Variants in AFG2A observed in about 807,000 individuals in gnomAD.
AFG2A encodes ATPase family gene 2 protein homolog A.
At chr4:123,157,630 C>T in the AFG2A span, among the ~76,000 whole-genome samples, 5 of 152,236 alleles carry the variant, frequency 3.3e-5, no homozygotes, top group Non-Finnish European at 5.9e-5. Flanking sequence ...CAAGATCAGA[C>T]GAGATTGAGC....
chr4:123,151,883 C>G, the AFG2A span, among the ~76,000 whole-genome samples: 1 of 152,052 alleles, frequency 6.6e-6, no homozygotes, highest in Non-Finnish European at 1.5e-5. Flanking sequence ...ACCCATATGC[C>G]CATCAATGAT....
the AFG2A span, among the ~76,000 whole-genome samples, chr4:122,965,747 C>A: frequency 1.9e-3 from 293 of 152,216 alleles, no homozygotes; most frequent in African/African-American, 5.7e-3. Flanking sequence ...CCTTGATGTA[C>A]ATGTGTCCAT....
At chr4:122,941,159 A>G in the AFG2A span, among the ~76,000 whole-genome samples, 1 of 151,432 alleles carries the variant, frequency 6.6e-6, no homozygotes, top group Non-Finnish European at 1.5e-5. Context: ...GTTTTTTCCA[A>G]TTCTGTGAAG....
the AFG2A span, among the ~76,000 whole-genome samples, chr4:122,932,621 A>G: frequency 1.3e-5 from 2 of 152,216 alleles, no homozygotes; most frequent in Non-Finnish European, 2.9e-5. Flanking sequence ...AAAAATGCTC[A>G]TGTTCTGAGA....
the AFG2A span, among the ~76,000 whole-genome samples, chr4:123,209,419 AT>A: frequency 2.0e-5 from 3 of 151,122 alleles, no homozygotes; most frequent in East Asian, 2.0e-4. Flanking sequence ...AGGGAAAAAA[AT>A]TTTTTTTTCA....
chr4:123,167,161 C>A, the AFG2A span, among the ~76,000 whole-genome samples: 19 of 148,586 alleles, frequency 1.3e-4, no homozygotes, highest in Non-Finnish European at 2.5e-4. Flanking sequence ...GTTTCAGGGC[C>A]TTATAGTATA....
chr4:122,989,957 G>T, the AFG2A span, among the ~76,000 whole-genome samples: 2 of 152,076 alleles, frequency 1.3e-5, no homozygotes, highest in African/African-American at 4.8e-5. Context: ...CCTGAGTTTA[G>T]TTGATCCTCC....
chr4:123,070,947 C>A, the AFG2A span, among the ~76,000 whole-genome samples: 1 of 152,042 alleles, frequency 6.6e-6, no homozygotes, highest in Non-Finnish European at 1.5e-5. Context: ...TTTTATTTTA[C>A]TATTTCTAGA....
the AFG2A span, among the ~76,000 whole-genome samples, chr4:123,275,769 GT>G: frequency 5.0e-4 from 76 of 152,180 alleles, no homozygotes; most frequent in African/African-American, 1.8e-3. Context: ...TGCTGCATTA[GT>G]TTGCTTAGGA....
chr4:123,256,128 A>C, the AFG2A span: 3 of 1,614,134 alleles, frequency 1.9e-6, no homozygotes, highest in Non-Finnish European at 2.5e-6. Flanking sequence ...GTCAGTAATG[A>C]AGTTGACCTG....
chr4:123,199,691 C>T, the AFG2A span, among the ~76,000 whole-genome samples: 1 of 151,926 alleles, frequency 6.6e-6, no homozygotes, highest in African/African-American at 2.4e-5. Context: ...AGGCTGGTCT[C>T]CAGCTCCTGA....
chr4:122,934,654 A>G, the AFG2A span: 1 of 1,612,526 alleles, frequency 6.2e-7, no homozygotes, highest in South Asian at 1.1e-5. Flanking sequence ...TTATGACATG[A>G]TAGGAGGATT....
At chr4:123,100,163 C>CTT in the AFG2A span, among the ~76,000 whole-genome samples, 1 of 151,824 alleles carries the variant, frequency 6.6e-6, no homozygotes, top group Non-Finnish European at 1.5e-5. Context: ...CCCATCATTT[C>CTT]TTCATCCTTT....
At chr4:123,148,148 T>C in the AFG2A span, among the ~76,000 whole-genome samples, 1 of 152,192 alleles carries the variant, frequency 6.6e-6, no homozygotes. Context: ...TATTTTAAAA[T>C]CTCAATATTT....
chr4:122,924,630 C>T, the AFG2A span, among the ~76,000 whole-genome samples: 2 of 151,548 alleles, frequency 1.3e-5, no homozygotes, highest in African/African-American at 2.4e-5. Flanking sequence ...CTTTTTTTTC[C>T]TCTCAATAAA....
chr4:123,089,385 A>C, the AFG2A span, among the ~76,000 whole-genome samples: 2 of 152,224 alleles, frequency 1.3e-5, no homozygotes, highest in African/African-American at 4.8e-5. Flanking sequence ...ACCCAAGTGC[A>C]TCTAATTGAA....
the AFG2A span, among the ~76,000 whole-genome samples, chr4:123,006,152 GC>G: frequency 6.6e-6 from 1 of 151,004 alleles, no homozygotes; most frequent in Non-Finnish European, 1.5e-5. Flanking sequence ...ATTTTAGAAA[GC>G]TATTTTAACT....
chr4:123,201,147 T>C, the AFG2A span, among the ~76,000 whole-genome samples: 1 of 152,234 alleles, frequency 6.6e-6, no homozygotes, highest in Non-Finnish European at 1.5e-5. Flanking sequence ...AGAGAGTGAA[T>C]TTAAATGTTT....
chr4:122,925,202 C>T, the AFG2A span, among the ~76,000 whole-genome samples: 1 of 152,130 alleles, frequency 6.6e-6, no homozygotes, highest in East Asian at 1.9e-4. Flanking sequence ...AAATATTTTA[C>T]ATATTCCTCT....
Sources: allele counts gnomAD v4.1 joint callset (sites outside exome capture counted in the v4.1 genomes callset), GRCh38; gene constraint gnomAD v4.1.1; transcripts MANE v1.5; gene names NCBI Gene and HGNC (gene_info 2026-07-23, HGNC 2026-07-21).